Variants in KCNN2 observed in about 807,000 individuals in gnomAD.
KCNN2 encodes the protein potassium calcium-activated channel subfamily N member 2.
Under a neutral mutation model 55.5 loss-of-function variants are expected in KCNN2, and 24 were observed. That is an observed-to-expected ratio of 0.43 (90% CI 0.31 to 0.61). KCNN2 has a LOEUF of 0.61. KCNN2 is among the 20% of genes least tolerant of loss of function. KCNN2 has a pLI of 0.08. For missense variants in KCNN2, 754 were observed against 853.6 expected (o/e 0.88, Z 1.45); for synonymous variants, 431 against 336.1 (o/e 1.28, Z -3.09).
Position 114,256,934 on chromosome 5 carries a change from T to C in KCNN2, c.-185+35369T>C, listed in dbSNP as rs552448293. Among the ~76,000 whole-genome samples the C allele has an allele frequency of 9.9e-4, 150 of 152,270 alleles. 2 individuals carry two copies. The highest frequency in any genetic ancestry group is 3.4e-3 in the African/African-American group (142 of 41,584). ...TAGAAGTCTTAATAATGAATTCTTT[T>C]CCTAGGACAATGTCCCAAAGAGATT... On this transcript the variant is annotated intron_variant, in intron 2 of 10. Transcript: ENST00000512097.
chr5:114,214,030 G>A (rs1261781785), intron 1 of KCNN2, among the ~76,000 whole-genome samples: 1 of 152,004 alleles, frequency 6.6e-6, no homozygotes, highest in Non-Finnish European at 1.5e-5. Flanking sequence ...AGAATCCTAG[G>A]AGACAGGTTC....
intron 1 of KCNN2, among the ~76,000 whole-genome samples, chr5:114,164,105 C>T (rs1450321112): frequency 1.3e-5 from 2 of 151,972 alleles, no homozygotes; most frequent in East Asian, 3.9e-4. Flanking sequence ...AGAAGGATTA[C>T]AAAAGTATTC....
chr5:114,270,212 G>A (rs779287557), intron 2 of KCNN2, among the ~76,000 whole-genome samples: 5 of 152,144 alleles, frequency 3.3e-5, no homozygotes, highest in Admixed American at 6.5e-5. Flanking sequence ...ATTGTGAGGC[G>A]CTTTTACTCT....
intron 1 of KCNN2, among the ~76,000 whole-genome samples, chr5:114,112,950 A>C (rs1751632041): frequency 6.6e-6 from 1 of 151,990 alleles, no homozygotes; most frequent in African/African-American, 2.4e-5. Flanking sequence ...GAAAGGCAGA[A>C]ATTAATTTAA....
At chr5:114,363,382 C>G (rs1757504691) in intron 1 of KCNN2, 121 bp downstream of exon 1, 1 of 1,259,666 alleles carries the variant, frequency 7.9e-7, no homozygotes. Context: ...AGGGAGCCCG[C>G]CAGGACAGCG....
At chr5:114,258,085 C>T (rs1359239135) in intron 2 of KCNN2, among the ~76,000 whole-genome samples, 1 of 152,052 alleles carries the variant, frequency 6.6e-6, no homozygotes, top group Non-Finnish European at 1.5e-5. Context: ...GCTTTTTTTG[C>T]ATCTATTGAG....
chr5:114,190,320 C>G lies in KCNN2; in HGVS notation c.-270-31160C>G, dbSNP rs186076524. Reference sequence around the variant, plus strand: ...AAAAATAGAAAGCAACCTAAATTTACCAACAGGAATCAAATTAATGAGTAG... The same window carrying G: ...AAAAATAGAAAGCAACCTAAATTTAGCAACAGGAATCAAATTAATGAGTAG... On this transcript the variant is annotated intron_variant, in intron 1 of 10. Coordinates refer to the KCNN2 transcript ENST00000512097. 4.2e-4 allele frequency among the ~76,000 whole-genome samples: 64 copies of G among 152,100 alleles called. No homozygotes were observed. In the East Asian group the frequency reaches 0.012, roughly 28 times the overall value.
intron 2 of KCNN2, among the ~76,000 whole-genome samples, chr5:114,285,806 T>G (rs1423974750): frequency 1.3e-5 from 2 of 152,058 alleles, no homozygotes; most frequent in Non-Finnish European, 1.5e-5. Context: ...GTAAAATAAC[T>G]CAATATTCTC....
intron 2 of KCNN2, among the ~76,000 whole-genome samples, chr5:114,342,701 T>C (rs1368084547): frequency 1.3e-5 from 2 of 152,366 alleles, no homozygotes; most frequent in East Asian, 1.9e-4. Context: ...ATTATAAGTA[T>C]ATTCTTTCTT....
intron 7 of KCNN2, 43 bp from the exon 8 acceptor site, chr5:114,495,852 C>T (rs1748089908): frequency 1.3e-6 from 2 of 1,571,734 alleles, no homozygotes; most frequent in African/African-American, 1.4e-5. Context: ...AGTTTGTGTT[C>T]AGGGCAAGTA....
intron 5 of KCNN2, among the ~76,000 whole-genome samples, chr5:114,483,373 C>T (rs138647654): frequency 2.0e-5 from 3 of 148,338 alleles, no homozygotes; most frequent in Non-Finnish European, 4.5e-5. Context: ...CTCCTGGGTT[C>T]AAGCGATTCT....
intron 2 of KCNN2, among the ~76,000 whole-genome samples, chr5:114,262,161 T>A (rs1755122541): frequency 6.6e-6 from 1 of 152,192 alleles, no homozygotes; most frequent in African/African-American, 2.4e-5. Context: ...TTGGCTTCGT[T>A]TCTATGTTTA....
At chr5:114,433,412 A>G (rs923647493) in intron 3 of KCNN2, 1 of 152,208 alleles carries the variant, frequency 6.6e-6, no homozygotes, top group Non-Finnish European at 1.5e-5. Flanking sequence ...AAACACACCA[A>G]TCAGTGCCCT....
chr5:114,274,481 T>C (rs191295624), intron 2 of KCNN2, among the ~76,000 whole-genome samples: 114 of 152,356 alleles, frequency 7.5e-4, no homozygotes, highest in Non-Finnish European at 1.4e-3. Flanking sequence ...TGGAATGTTT[T>C]TCGATTTGTT....
intron 1 of KCNN2, among the ~76,000 whole-genome samples, chr5:114,100,485 C>G (rs1751350874): frequency 6.6e-6 from 1 of 152,090 alleles, no homozygotes; most frequent in East Asian, 1.9e-4. Flanking sequence ...CCAGTGTTCT[C>G]ACTGCAGAGA....
intron 3 of KCNN2, among the ~76,000 whole-genome samples, chr5:114,457,368 A>G (rs1760977820): frequency 6.6e-6 from 1 of 152,368 alleles, no homozygotes; most frequent in East Asian, 1.9e-4. Context: ...TAGCACACTT[A>G]ATAGAACTAC....
chr5:114,164,332 A>G (rs1021316397), intron 1 of KCNN2, among the ~76,000 whole-genome samples: 1 of 152,170 alleles, frequency 6.6e-6, no homozygotes, highest in African/African-American at 2.4e-5. Context: ...TAACTGACCT[A>G]GGTTTATTTT....
intron 2 of KCNN2, among the ~76,000 whole-genome samples, chr5:114,341,382 T>C (rs929998730): frequency 6.6e-6 from 1 of 152,082 alleles, no homozygotes; most frequent in African/African-American, 2.4e-5. Context: ...CATAGAAAGT[T>C]TGTAGGAGCT....
chr5:114,406,964 A>C (rs1435905488), intron 3 of KCNN2, among the ~76,000 whole-genome samples: 1 of 152,094 alleles, frequency 6.6e-6, no homozygotes. Context: ...AAATCACTTT[A>C]CTTCAGAATA....
Sources: allele counts gnomAD v4.1 joint callset (sites outside exome capture counted in the v4.1 genomes callset), GRCh38; gene constraint gnomAD v4.1.1; transcripts MANE v1.5; gene names NCBI Gene and HGNC (gene_info 2026-07-23, HGNC 2026-07-21).